The following RXRA variants were observed in gnomAD, a reference collection of about 807,000 sequenced individuals.
The protein encoded by RXRA is retinoic acid receptor RXR-alpha.
Under a neutral mutation model 44.5 loss-of-function variants are expected in RXRA, and 5 were observed. The ratio of observed to expected loss-of-function variants is 0.11; its 90% CI spans 0.06 to 0.24. RXRA has a LOEUF of 0.24. Ranked by LOEUF, RXRA falls within the 10% of genes least tolerant of loss-of-function variation. The pLI is 1.00. For synonymous variants in RXRA, 291 were observed against 271.4 expected, an observed-to-expected ratio of 1.07 and a Z score of -0.71; for missense variants, 412 against 646.5, an observed-to-expected ratio of 0.64 and a Z score of 3.93.
Position 134,349,619 on chromosome 9 carries a change from TG to T in RXRA, c.28+22961del, listed in dbSNP as rs1167020718. 1.2e-4 allele frequency among the ~76,000 whole-genome samples: 18 copies of T among 152,008 alleles called. No individual in the cohort carries two copies. The highest frequency in any genetic ancestry group is 1.0e-3 in the Admixed American group (16 of 15,270). On this transcript the variant is annotated intron_variant, in intron 1 of 9. Coordinates refer to ENST00000481739, the MANE Select transcript of RXRA (RefSeq NM_002957.6). The surrounding 1 kb of genome is among the most constrained non-coding windows in gnomAD (Gnocchi z 4.3). ...TTCTCAGGTGGCCCCCATGAGTGGG[TG>T]ACATCAGGAGACCCCGCATCAGGCA...
At chr9:134,384,673 A>C (rs1464849059) in intron 1 of RXRA, among the ~76,000 whole-genome samples, 1 of 152,154 alleles carries the variant, frequency 6.6e-6, no homozygotes, top group East Asian at 1.9e-4. Flanking sequence ...GTGGGGCTGT[A>C]CTGGGCCGTC....
rs34484722 is a variant in RXRA, at chr9:134,433,662, G to T, written c.1136-440G>T. On this transcript the variant is annotated intron_variant, in intron 8 of 9. Transcript: ENST00000481739. The surrounding 1 kb of genome is among the most constrained non-coding windows in gnomAD (Gnocchi z 4.2). ...GCAAGCACACCGAGGATGGGTTTCC[G>T]CAGGGTCTGGGTACTCCTGGGGGCA... Among the ~76,000 whole-genome samples, 1 of 152,124 alleles carries T rather than the reference G, an allele frequency of 6.6e-6. No homozygotes were observed. The highest frequency in any genetic ancestry group is 1.5e-5 in the Non-Finnish European group (1 of 68,018).
intron 9 of RXRA, among the ~76,000 whole-genome samples, chr9:134,434,873 C>CGGGGGGGG (rs1831591429): frequency 9.2e-6 from 1 of 108,868 alleles, no homozygotes; most frequent in African/African-American, 4.3e-5. Flanking sequence ...GGGAGGGGGT[C>CGGGGGGGG]GGGGGAGGTG....
At chr9:134,333,466 G>A (rs1446781083) in intron 1 of RXRA, among the ~76,000 whole-genome samples, 1 of 152,120 alleles carries the variant, frequency 6.6e-6, no homozygotes, top group Non-Finnish European at 1.5e-5. Context: ...GATGGGTGTC[G>A]GCGCAGACTG....
Position 134,421,678 on chromosome 9 carries a change from G to A in RXRA, c.783G>A (p.Pro261=), listed in dbSNP as rs748602356. The A allele has an allele frequency of 1.1e-5, 17 of 1,560,940 alleles. No homozygotes were observed. The highest frequency in any genetic ancestry group is 3.5e-5 in the Admixed American group (2 of 56,774). ...EANMGLNPSS[P]NDPVTNICQA... is the part of the protein sequence containing the mutation. ...CTGCTCTTCTTCCTCCACTGCAGCCGAACGACCCTGTCACCAACATTTGCC... is the reference window on the plus strand; with the variant it reads ...CTGCTCTTCTTCCTCCACTGCAGCCAAACGACCCTGTCACCAACATTTGCC... Residue 261 remains proline, a splice_region_variant and synonymous_variant, in exon 6 of 10, where the codon CCG becomes CCA. Coordinates refer to ENST00000481739, the MANE Select transcript of RXRA (RefSeq NM_002957.6).
intron 1 of RXRA, among the ~76,000 whole-genome samples, chr9:134,352,861 G>A (rs1554749641): frequency 6.6e-6 from 1 of 152,178 alleles, no homozygotes; most frequent in Non-Finnish European, 1.5e-5. Flanking sequence ...AGGGAATCAG[G>A]AGCCCTGGAG....
chr9:134,401,944 TG>T lies in RXRA; in HGVS notation c.279+63del, dbSNP rs751057280. The T allele has an allele frequency of 6.2e-5, 84 of 1,344,592 alleles. No individual in the cohort carries two copies. In the African/African-American group the frequency reaches 1.2e-3, roughly 18 times the overall value. The allele number at this position is 1,344,592 out of a possible 1,614,324, so 83.3% of individuals were successfully genotyped here. On this transcript the variant is annotated intron_variant, in intron 2 of 9. Transcript: ENST00000481739. ...CCTGGGGTGGGGCTGTGGCTTCAAC[TG>T]CAGGACGACCGCCTCATCTTGAGGC...
chr9:134,400,236 G>T (rs1259043165), intron 1 of RXRA, among the ~76,000 whole-genome samples: 1 of 152,224 alleles, frequency 6.6e-6, no homozygotes, highest in Non-Finnish European at 1.5e-5. Context: ...CTCTAGCCTG[G>T]CACCCAGCGA....
chr9:134,403,953 G>A (rs1564286983), intron 2 of RXRA: 3 of 152,278 alleles, frequency 2.0e-5, no homozygotes, highest in Admixed American at 6.5e-5. Context: ...TTAGTTTGCC[G>A]TGGTCTGAGG....
At chr9:134,424,781 C>G in intron 6 of RXRA, 1 of 985,470 alleles carries the variant, frequency 1.0e-6, no homozygotes, top group Non-Finnish European at 1.2e-6. Context: ...CTGAAGGACT[C>G]TGTCCCCCTC....
chr9:134,334,478 T>C (rs1007338544), intron 1 of RXRA, among the ~76,000 whole-genome samples: 1 of 152,282 alleles, frequency 6.6e-6, no homozygotes, highest in African/African-American at 2.4e-5. Flanking sequence ...GAAATAGGAC[T>C]GGGCATTGGG....
In RXRA at chr9:134,439,033, A is replaced by G. The variant is rs956132080; in HGVS notation, c.*2419A>G. 6.6e-6 allele frequency: 1 copy of G among 152,256 alleles called. No individual in the cohort carries two copies. The highest frequency in any genetic ancestry group is 1.9e-4 in the East Asian group (1 of 5,192). 9.4% of individuals were successfully genotyped at this position (152,256 alleles called of 1,614,324 possible). A position where few individuals can be genotyped will look rare whatever the true frequency, so the allele number is the denominator to read the frequency against. The stretch of plus-strand genomic sequence containing the variant: ...ACAGTGCTGTTGGTTTGAAAAGGTG[A>G]TGTGTGGGGAGTGCGGCTCATCACT... On this transcript the variant is annotated 3_prime_UTR_variant, in exon 10 of 10. Coordinates refer to ENST00000481739, the MANE Select transcript of RXRA (RefSeq NM_002957.6).
chr9:134,419,194 G>T (rs943685252), intron 5 of RXRA, among the ~76,000 whole-genome samples: 3 of 152,342 alleles, frequency 2.0e-5, no homozygotes, highest in Non-Finnish European at 2.9e-5. Flanking sequence ...CACCAGCCTC[G>T]CGGAGGGCAG....
rs577431911 is a variant in RXRA, at chr9:134,366,866, G to A, written c.29-34766G>A. Among the ~76,000 whole-genome samples the A allele has an allele frequency of 1.0e-3, 153 of 152,280 alleles. No homozygotes were observed. The highest frequency in any genetic ancestry group is 3.6e-3 in the African/African-American group (148 of 41,550). Reference sequence around the variant, plus strand: ...CAGGAGTCGGGGACACATCCCAGTCGGAACGTGGTGGAAAGGCGCCAGGCA... The same window carrying A: ...CAGGAGTCGGGGACACATCCCAGTCAGAACGTGGTGGAAAGGCGCCAGGCA... On this transcript the variant is annotated intron_variant, in intron 1 of 9. Coordinates refer to ENST00000481739, the MANE Select transcript of RXRA (RefSeq NM_002957.6). The surrounding 1 kb of genome is among the most constrained non-coding windows in gnomAD (Gnocchi z 5.9).
At chr9:134,375,930 G>T (rs1830550106) in intron 1 of RXRA, among the ~76,000 whole-genome samples, 1 of 147,928 alleles carries the variant, frequency 6.8e-6, no homozygotes, top group Admixed American at 6.7e-5. Context: ...CAAGCTGCCG[G>T]CCGCCCTCCC....
At position 134,407,724 on chromosome 9, in the gene RXRA, G is replaced by A. The variant is rs1831077533; in HGVS notation, c.280-425G>A. ...GGGAACTGGGCTTCGGCGTCCTCAT[G>A]TGTGGGTTGGGACCCCCCAGAGTGC... On this transcript the variant is annotated intron_variant, in intron 2 of 9. Transcript: ENST00000481739. The surrounding 1 kb of genome is among the most constrained non-coding windows in gnomAD (Gnocchi z 4.8). Among the ~76,000 whole-genome samples the A allele has an allele frequency of 1.3e-5, 2 of 152,218 alleles. No individual in the cohort carries two copies. Among genetic ancestry groups the A allele is most frequent in the South Asian group, 4.1e-4 (2 of 4,824 alleles).
Position 134,433,989 on chromosome 9 carries a change from G to A in RXRA, c.1136-113G>A. 1 of 716,872 alleles carries A rather than the reference G, an allele frequency of 1.4e-6. No homozygotes were observed. Among genetic ancestry groups the A allele is most frequent in the Non-Finnish European group, 2.4e-6 (1 of 423,984 alleles). The allele number at this position is 716,872 out of a possible 1,614,324, so 44.4% of individuals were successfully genotyped here. On this transcript the variant is annotated intron_variant, in intron 8 of 9. Transcript: ENST00000481739. The surrounding 1 kb of genome is among the most constrained non-coding windows in gnomAD (Gnocchi z 4.2). ...GTCCAGCGGCATTCCTCCACCACCTGCTCTGCCCATGGTGGGGCAGCCTGG... is the reference window on the plus strand; with the variant it reads ...GTCCAGCGGCATTCCTCCACCACCTACTCTGCCCATGGTGGGGCAGCCTGG...
At chr9:134,429,710 A>G (rs1831498309) in intron 7 of RXRA, among the ~76,000 whole-genome samples, 1 of 152,112 alleles carries the variant, frequency 6.6e-6, no homozygotes, top group Non-Finnish European at 1.5e-5. Flanking sequence ...CAGTGGAGCA[A>G]AGGGCTGCAC....
intron 2 of RXRA, chr9:134,404,665 G>A (rs1207146761): frequency 1.3e-5 from 2 of 152,798 alleles, no homozygotes; most frequent in African/African-American, 2.4e-5. Flanking sequence ...GGGCTTCACG[G>A]GGTCGGAAGC....
Sources: gnomAD v4.1 joint callset for allele counts (sites outside exome capture counted in the v4.1 genomes callset) on GRCh38, gnomAD v4.1.1 for gene constraint, Gnocchi (gnomAD v3.1) non-coding constraint, MANE v1.5 for transcripts, NCBI Gene and HGNC (gene_info 2026-07-23, HGNC 2026-07-21) for gene names.